ATAD3B: variants seen among roughly 807,000 people sequenced by gnomAD.
The protein encoded by ATAD3B is ATPase family AAA domain containing 3B.
Under a neutral mutation model 70.2 loss-of-function variants are expected in ATAD3B, and 59 were observed. The observed-to-expected ratio is 0.84, with a 90% confidence interval of 0.68 to 1.04. The LOEUF (loss-of-function observed/expected upper bound fraction) is 1.04, where lower values mean the gene tolerates loss of function less well. Ranked by LOEUF, ATAD3B falls within the 50% of genes least tolerant of loss-of-function variation. The probability of loss-of-function intolerance (pLI) is 0.00; values close to 1 mark genes in which losing one functional copy is unlikely to be tolerated. For missense variants in ATAD3B, 961 were observed against 913.4 expected (o/e 1.05, Z -0.67); for synonymous variants, 423 against 388.6 (o/e 1.09, Z -1.04).
At chr1:1,492,926 G>A (rs556334944) in intron 15 of ATAD3B, among the ~76,000 whole-genome samples, 8 of 145,678 alleles carry the variant, frequency 5.5e-5, no homozygotes, top group African/African-American at 1.9e-4. Flanking sequence ...GTGTCAGAGC[G>A]ATACTCCATC....
At chr1:1,476,741 C>A (rs960596903) in intron 1 of ATAD3B, among the ~76,000 whole-genome samples, 5 of 152,064 alleles carry the variant, frequency 3.3e-5, no homozygotes, top group African/African-American at 1.2e-4. Context: ...ATCTCCTGAC[C>A]TCATGATCCA....
At position 1,480,671 on chromosome 1, in the gene ATAD3B, C is replaced by T. The variant is rs573954919; in HGVS notation, c.445-196C>T. 5.4e-5 allele frequency among the ~76,000 whole-genome samples: 8 copies of T among 147,094 alleles called. 2 individuals are homozygous for T. The South Asian group carries it at 1.8e-3, about 32-fold the overall frequency. Reference sequence around the variant, plus strand: ...TTTCTGCCACTGGGGAGTTTGGGACCCTGAACCCATCCCCTCAGTGACTGC... The same window carrying T: ...TTTCTGCCACTGGGGAGTTTGGGACTCTGAACCCATCCCCTCAGTGACTGC... On this transcript the variant is annotated intron_variant, in intron 4 of 15. Transcript: ENST00000673477.
In ATAD3B at chr1:1,490,589, A is replaced by C. The variant is rs749130356; in HGVS notation, c.1532A>C (p.Tyr511Ser). 6.2e-7 allele frequency: 1 copy of C among 1,610,514 alleles called. No homozygotes were observed. Among genetic ancestry groups the C allele is most frequent in the South Asian group, 1.1e-5 (1 of 90,566 alleles). Residue 511 changes from tyrosine (Y) to serine (S), a missense_variant, in exon 15 of 16, where the codon TAC becomes TCC. By Grantham distance (144) the Tyr-to-Ser change is moderately radical. This residue lies in a region of ATAD3B where 417 missense variants were observed against 335.0 expected (regional missense o/e 1.24). Transcript: ENST00000673477. ...KRRLKLAQFDYGRKCSEVARL... is the reference protein window; with the variant it reads ...KRRLKLAQFDSGRKCSEVARL... ...CGCCTGAAGCTGGCCCAGTTTGACTACGGGAGGAAGTGCTCGGAGGTCGCT... is the reference window on the plus strand; with the variant it reads ...CGCCTGAAGCTGGCCCAGTTTGACTCCGGGAGGAAGTGCTCGGAGGTCGCT...
At chr1:1,509,260 G>A in the ATAD3B span, 51 of 1,612,814 alleles carry the variant, frequency 3.2e-5, no homozygotes, top group South Asian at 1.9e-4. Context: ...ATGGACACCC[G>A]CGTGCAAGAT....
intron 4 of ATAD3B, among the ~76,000 whole-genome samples, chr1:1,479,849 C>T (rs1639809887): frequency 6.9e-6 from 1 of 145,690 alleles, no homozygotes; most frequent in African/African-American, 2.6e-5. Flanking sequence ...CACACACCGC[C>T]CCGCACACAC....
Position 1,477,325 on chromosome 1 carries a change from A to G in ATAD3B, c.257A>G (p.Gln86Arg), listed in dbSNP as rs775847012. Reference protein sequence around the residue: ...NLAQMQEQTLQLEQQSKLKEY... With the variant: ...NLAQMQEQTLRLEQQSKLKEY... ...GCGCAGATGCAGGAGCAGACGCTGC[A>G]GTTGGAGCAACAGTCCAAGCTCAAA... Residue 86 changes from glutamine to arginine, a missense_variant, in exon 2 of 16, where the codon CAG (glutamine) becomes CGG (arginine). By Grantham distance (43) the Gln-to-Arg change is conservative. Around this residue, in one of 4 missense-constraint regions of ATAD3B, gnomAD observed 187 missense variants for 244.3 expected, o/e 0.77. Coordinates refer to ENST00000673477, the MANE Select transcript of ATAD3B (RefSeq NM_031921.6). 1.2e-6 allele frequency: 2 copies of G among 1,612,250 alleles called. No homozygotes were observed. Among genetic ancestry groups the G allele is most frequent in the South Asian group, 1.1e-5 (1 of 90,944 alleles).
downstream of ATAD3B, among the ~76,000 whole-genome samples, chr1:1,500,281 G>A (rs1317684213): frequency 6.7e-6 from 1 of 148,972 alleles, no homozygotes; most frequent in African/African-American, 2.4e-5. Context: ...GGCCGGGTGC[G>A]GTGGCTCACG....
chr1:1,489,148 T>A (rs761591806), intron 12 of ATAD3B, 56 bp from the exon 13 acceptor site: 1 of 1,610,920 alleles, frequency 6.2e-7, no homozygotes, highest in South Asian at 1.1e-5. Context: ...CTTTCTGCTC[T>A]GGCTGTTTAC....
Position 1,487,912 on chromosome 1 carries a change from A to G in ATAD3B, c.1264A>G (p.Thr422Ala), listed in dbSNP as rs762708254. ...EADAFLRKRATEEISKDLRAT... is the reference protein window; with the variant it reads ...EADAFLRKRAAEEISKDLRAT... ...AGACGCCTTCCTTCGGAAGCGAGCCACTGTGAGTGTCACTAAGCCTCTGTC... is the reference window on the plus strand; with the variant it reads ...AGACGCCTTCCTTCGGAAGCGAGCCGCTGTGAGTGTCACTAAGCCTCTGTC... The change falls in exon 12 of 16, where the codon ACT (threonine) becomes GCT (alanine). Residue 422 changes from threonine to alanine, a missense_variant and splice_region_variant. Transcript: ENST00000673477. 2 of 1,613,104 alleles carry G rather than the reference A, an allele frequency of 1.2e-6. No individual in the cohort carries two copies. The highest frequency in any genetic ancestry group is 1.3e-5 in the African/African-American group (1 of 75,030).
At chr1:1,501,208 C>T (rs1349122047), downstream of ATAD3B, among the ~76,000 whole-genome samples, 2 of 151,898 alleles carry the variant, frequency 1.3e-5, no homozygotes, top group African/African-American at 4.8e-5. Flanking sequence ...CCTGCCTCAG[C>T]GTCCTGAGTA....
chr1:1,497,477 C>A lies in ATAD3B; in HGVS notation c.*1660C>A, dbSNP rs1214072942. On this transcript the variant is annotated 3_prime_UTR_variant, in exon 16 of 16. Transcript: ENST00000673477. ...AACTCTTGGCCTCAGGAGATCCTCCCGCCTCTACAGGATGAGCCACCAAGC... is the reference window on the plus strand; with the variant it reads ...AACTCTTGGCCTCAGGAGATCCTCCAGCCTCTACAGGATGAGCCACCAAGC... The A allele has an allele frequency of 6.7e-6, 1 of 149,576 alleles. No individual in the cohort carries two copies. Among genetic ancestry groups the A allele is most frequent in the Admixed American group, 6.7e-5 (1 of 14,902 alleles). 9.3% of individuals were successfully genotyped at this position (149,576 alleles called of 1,614,324 possible).
At chr1:1,495,449 A>G in intron 15 of ATAD3B, 36 bp from the exon 16 acceptor site, 2 of 1,563,808 alleles carry the variant, frequency 1.3e-6, no homozygotes, top group Admixed American at 1.8e-5. Context: ...GCGGGTTCCC[A>G]TAGCGGCCTC....
chr1:1,498,896 G>A (rs964786604), downstream of ATAD3B, among the ~76,000 whole-genome samples: 5 of 151,836 alleles, frequency 3.3e-5, no homozygotes, highest in African/African-American at 9.7e-5. Context: ...GAGCAATGGC[G>A]AGCGCCTGGA....
the ATAD3B span, among the ~76,000 whole-genome samples, chr1:1,502,870 T>G: frequency 1.3e-5 from 2 of 151,662 alleles, no homozygotes; most frequent in African/African-American, 2.4e-5. Flanking sequence ...GTTTGGGATT[T>G]TCATTATCCT....
chr1:1,488,848 G>A (rs548926274), intron 12 of ATAD3B, among the ~76,000 whole-genome samples: 14 of 151,564 alleles, frequency 9.2e-5, no homozygotes, highest in African/African-American at 3.4e-4. Context: ...TTTTTTAAAT[G>A]TATTTTTTAT....
chr1:1,489,903 C>G lies in ATAD3B; in HGVS notation c.1338-354C>G, dbSNP rs1433827125. 17 of 1,223,500 alleles carry G rather than the reference C, an allele frequency of 1.4e-5. No homozygotes were observed. In the East Asian group the frequency reaches 7.4e-4, roughly 53 times the overall value. The allele number at this position is 1,223,500 out of a possible 1,614,324, so 75.8% of individuals were successfully genotyped here. ...TGCTTCTGGCTCGCATGGCCATAAT[C>G]TTGACAGGGACTCTGGGTCCCGCAT... On this transcript the variant is annotated intron_variant, in intron 13 of 15. Coordinates refer to ENST00000673477, the MANE Select transcript of ATAD3B (RefSeq NM_031921.6).
chr1:1,490,425 G>C lies in ATAD3B; in HGVS notation c.1505+1G>C, dbSNP rs1570268034. 6.2e-7 allele frequency: 1 copy of C among 1,613,092 alleles called. No individual in the cohort carries two copies. Among genetic ancestry groups the C allele is most frequent in the South Asian group, 1.1e-5 (1 of 91,030 alleles). ...TTAAGCCGGCCACAGAAGGAAAACGGTGAGTGTCCCGCCTCACCCGGCCCC... is the reference window on the plus strand; with the variant it reads ...TTAAGCCGGCCACAGAAGGAAAACGCTGAGTGTCCCGCCTCACCCGGCCCC... On this transcript the variant is annotated splice_donor_variant, in intron 14 of 15. Coordinates refer to ENST00000673477, the MANE Select transcript of ATAD3B (RefSeq NM_031921.6). LOFTEE classifies it high-confidence loss of function.
In ATAD3B at chr1:1,490,175, G is replaced by A. The variant is rs183481137; in HGVS notation, c.1338-82G>A. ...TTAGATTCTCCCAAAAAGTCTCCCCGAGGGGGCTGAGGAGCCCCCGTTGCC... is the reference window on the plus strand; with the variant it reads ...TTAGATTCTCCCAAAAAGTCTCCCCAAGGGGGCTGAGGAGCCCCCGTTGCC... On this transcript the variant is annotated intron_variant, in intron 13 of 15. Transcript: ENST00000673477. 2.3e-5 allele frequency: 36 copies of A among 1,551,522 alleles called. No homozygotes were observed. In the Admixed American group the frequency reaches 3.0e-4, roughly 13 times the overall value.
At chr1:1,508,343 C>A in the ATAD3B span, among the ~76,000 whole-genome samples, 1 of 151,434 alleles carries the variant, frequency 6.6e-6, no homozygotes, top group East Asian at 1.9e-4. Flanking sequence ...ATCCCCATGG[C>A]AGGTTCTATC....
Sources: allele counts gnomAD v4.1 joint callset (sites outside exome capture counted in the v4.1 genomes callset), GRCh38; gene constraint gnomAD v4.1.1; regional missense constraint gnomAD v4.1.1; transcripts MANE v1.5; gene names NCBI Gene and HGNC (gene_info 2026-07-23, HGNC 2026-07-21).